SLC47A2: variants seen among roughly 807,000 people sequenced by gnomAD.
The protein encoded by SLC47A2 is multidrug and toxin extrusion protein 2.
In SLC47A2, 52 loss-of-function variants were observed where a neutral mutation model predicts 67.7. The ratio of observed to expected loss-of-function variants is 0.77; its 90% CI spans 0.61 to 0.97. SLC47A2 has a LOEUF of 0.97. Ranked by LOEUF, SLC47A2 falls within the 50% of genes least tolerant of loss-of-function variation. SLC47A2 has a pLI of 0.00. For missense variants in SLC47A2, 676 were observed against 712.3 expected (o/e 0.95, Z 0.58); for synonymous variants, 278 against 292.9 (o/e 0.95, Z 0.52).
Position 19,708,735 on chromosome 17 carries a change from G to T in SLC47A2, c.512C>A (p.Ala171Glu). ...LPVIFLYNLL[A>E]KYLQNQKITW... ...CTGTACCTGATTTTGCAAATATTTT[G>T]CCAGCAGATTGTAAAGAAAAATCAC... Residue 171 changes from alanine to glutamate, a missense_variant, in exon 6 of 17, where the codon GCA (alanine) becomes GAA (glutamate). By Grantham distance (107) the Ala-to-Glu change is moderately radical. Coordinates refer to ENST00000433844, the MANE Select transcript of SLC47A2 (RefSeq NM_001099646.3). 6.2e-7 allele frequency: 1 copy of T among 1,613,962 alleles called. No individual in the cohort carries two copies. Among genetic ancestry groups the T allele is most frequent in the Non-Finnish European group, 8.5e-7 (1 of 1,180,030 alleles).
intron 3 of SLC47A2, 47 bp downstream of exon 3, chr17:19,714,674 G>T (rs1408223084): frequency 6.2e-7 from 1 of 1,607,888 alleles, no homozygotes; most frequent in Admixed American, 1.7e-5. Context: ...TGTGGAATTG[G>T]CTCTGCCCTT....
At position 19,705,145 on chromosome 17, in the gene SLC47A2, AT is replaced by A. The variant is rs1392198579; in HGVS notation, c.909+290del. ...CCTGGAATGTGCATTTTTAAAGAAAATCCAAAAATAAGATTGTGATGTGAAA... is the reference window on the plus strand; with the variant it reads ...CCTGGAATGTGCATTTTTAAAGAAAACCAAAAATAAGATTGTGATGTGAAA... On this transcript the variant is annotated intron_variant, in intron 10 of 16. Transcript: ENST00000433844. 189 of 445,784 alleles carry A rather than the reference AT, an allele frequency of 4.2e-4. 1 individual carries two copies. In the East Asian group the frequency reaches 8.2e-3, roughly 19 times the overall value. The allele number at this position is 445,784 out of a possible 1,614,324, so 27.6% of individuals were successfully genotyped here. A position where few individuals can be genotyped will look rare whatever the true frequency, so the allele number is the denominator to read the frequency against.
Position 19,716,528 on chromosome 17 carries a change from G to C in SLC47A2, c.28C>G (p.Leu10Val), listed in dbSNP as rs1257329306. The change falls in exon 1 of 17, where the codon CTG becomes GTG. Residue 10 changes from leucine to valine, a missense_variant. Physicochemically the swap from Leu to Val is conservative, Grantham distance 32. Coordinates refer to ENST00000433844, the MANE Select transcript of SLC47A2 (RefSeq NM_001099646.3). MDSLQDTVA[L>V]DHGGCCPALS... is the part of the protein sequence containing the mutation. Reference sequence around the variant, plus strand: ...GCAGGGCAGCAGCCCCCATGGTCCAGGGCCACTGTGTCCTGGAGGCTGTCC... The same window carrying C: ...GCAGGGCAGCAGCCCCCATGGTCCACGGCCACTGTGTCCTGGAGGCTGTCC... 2 of 1,610,960 alleles carry C rather than the reference G, an allele frequency of 1.2e-6. No individual in the cohort carries two copies. The highest frequency in any genetic ancestry group is 3.3e-5 in the Admixed American group (2 of 59,724).
At chr17:19,702,930 G>T (rs774299709) in intron 12 of SLC47A2, among the ~76,000 whole-genome samples, 162 bp downstream of exon 12, 1 of 152,164 alleles carries the variant, frequency 6.6e-6, no homozygotes, top group Admixed American at 6.5e-5. Context: ...AAAGGCCTGG[G>T]GTGGATAGAC....
At chr17:19,688,505 G>T (rs148979002) in intron 13 of SLC47A2, among the ~76,000 whole-genome samples, 1 of 152,306 alleles carries the variant, frequency 6.6e-6, no homozygotes, top group Non-Finnish European at 1.5e-5. Flanking sequence ...GGAAGTCCTA[G>T]CTAGAGCAGA....
chr17:19,715,686 T>G (rs1203763085), intron 1 of SLC47A2: 1 of 148,168 alleles, frequency 6.7e-6, no homozygotes, highest in African/African-American at 2.5e-5. Context: ...CCATTACTCC[T>G]TTTTGGTTTT....
At chr17:19,704,572 T>A (rs928363522) in intron 10 of SLC47A2, 127 of 1,349,626 alleles carry the variant, frequency 9.4e-5, no homozygotes, top group Non-Finnish European at 1.2e-4. Context: ...AAAATAAGAA[T>A]CTCTAAATTG....
At chr17:19,687,269 C>T (rs552099079) in intron 13 of SLC47A2, among the ~76,000 whole-genome samples, 8 of 151,990 alleles carry the variant, frequency 5.3e-5, no homozygotes, top group African/African-American at 9.7e-5. Context: ...CATATCAAAA[C>T]GTATGTCATA....
chr17:19,703,015 A>G, intron 12 of SLC47A2, 77 bp downstream of exon 12: 2 of 1,466,636 alleles, frequency 1.4e-6, no homozygotes, highest in Non-Finnish European at 9.5e-7. Context: ...CTGAGCCAGG[A>G]ATGTGATAAA....
chr17:19,707,671 G>A, intron 8 of SLC47A2, 75 bp downstream of exon 8: 2 of 1,341,896 alleles, frequency 1.5e-6, no homozygotes, highest in South Asian at 2.5e-5. Flanking sequence ...TCTGCCTGCT[G>A]ACCACCCTGC....
chr17:19,712,510 C>G (rs1001975391), intron 5 of SLC47A2, among the ~76,000 whole-genome samples, 193 bp downstream of exon 5: 5 of 152,162 alleles, frequency 3.3e-5, no homozygotes, highest in African/African-American at 1.2e-4. Context: ...ATTTTCAAAT[C>G]AGAAAAACAT....
Position 19,703,129 on chromosome 17 carries a change from G to A in SLC47A2, c.1057C>T (p.Leu353=), listed in dbSNP as rs1032664233. Residue 353 remains leucine (L), a synonymous_variant, in exon 12 of 17, where the codon CTG becomes TTG. Coordinates refer to ENST00000433844, the MANE Select transcript of SLC47A2 (RefSeq NM_001099646.3). ...SLVLGTLISI[L]KNQLGHIFTN... Reference sequence around the variant, plus strand: ...AAAATATGCCCCAGCTGATTTTTCAGGATGCTTATCAGGGTGCCCAGGACC... The same window carrying A: ...AAAATATGCCCCAGCTGATTTTTCAAGATGCTTATCAGGGTGCCCAGGACC... The A allele has an allele frequency of 1.1e-5, 18 of 1,614,006 alleles. No homozygotes were observed. Among genetic ancestry groups the A allele is most frequent in the Non-Finnish European group, 1.4e-5 (17 of 1,180,030 alleles).
intron 13 of SLC47A2, among the ~76,000 whole-genome samples, chr17:19,701,185 A>C (rs1378823853): frequency 6.6e-6 from 1 of 151,472 alleles, no homozygotes; most frequent in Non-Finnish European, 1.5e-5. Context: ...AAAAAAAAAA[A>C]AAATAGTATC....
chr17:19,685,665 G>C lies in SLC47A2; in HGVS notation c.1165-3995C>G, dbSNP rs1025392507. On this transcript the variant is annotated intron_variant, in intron 13 of 16. Transcript: ENST00000433844. This position sits in a 1 kb window ranked among gnomAD's most constrained non-coding sequence, Gnocchi z 4.5. ...AGTACCCAGGGACACAAACAGGGCCGAAGGCCGCAGGGACCTCTGCCTAGG... is the reference window on the plus strand; with the variant it reads ...AGTACCCAGGGACACAAACAGGGCCCAAGGCCGCAGGGACCTCTGCCTAGG... Among the ~76,000 whole-genome samples, 1 of 152,202 alleles carries C rather than the reference G, an allele frequency of 6.6e-6. No individual in the cohort carries two copies. Among genetic ancestry groups the C allele is most frequent in the Non-Finnish European group, 1.5e-5 (1 of 68,036 alleles).
intron 13 of SLC47A2, among the ~76,000 whole-genome samples, chr17:19,691,617 A>G (rs997399099): frequency 2.0e-5 from 3 of 152,244 alleles, no homozygotes; most frequent in African/African-American, 7.2e-5. Context: ...ATAGTGGGAG[A>G]GGGAATGGGG....
intron 9 of SLC47A2, among the ~76,000 whole-genome samples, chr17:19,706,284 G>A (rs2085933371): frequency 6.6e-6 from 1 of 152,182 alleles, no homozygotes; most frequent in Non-Finnish European, 1.5e-5. Flanking sequence ...GGCAAGCCTG[G>A]ACCTCTGCTC....
rs764160435 is a variant in SLC47A2, at chr17:19,678,875, C to T, written c.1512G>A (p.Leu504=). 2 of 1,592,172 alleles carry T rather than the reference C, an allele frequency of 1.3e-6. No individual in the cohort carries two copies. The change falls in exon 17 of 17, where the codon TTG becomes TTA. Residue 504 remains leucine, a synonymous_variant. Transcript: ENST00000433844. ...VATGSSPGIT[L]TTYSRSECHV... is the part of the protein sequence containing the mutation. Reference sequence around the variant, plus strand: ...GGCACTCAGACCTTGAATACGTTGTCAAGGTAATGCCAGGGGAACTGCCTG... The same window carrying T: ...GGCACTCAGACCTTGAATACGTTGTTAAGGTAATGCCAGGGGAACTGCCTG...
At chr17:19,709,002 A>G (rs1006685935) in intron 5 of SLC47A2, among the ~76,000 whole-genome samples, 1 of 152,254 alleles carries the variant, frequency 6.6e-6, no homozygotes, top group Non-Finnish European at 1.5e-5. Context: ...ATGAGCAGGC[A>G]TGCTTTGGCT....
chr17:19,705,763 A>T (rs2085917853), intron 9 of SLC47A2, among the ~76,000 whole-genome samples: 1 of 152,002 alleles, frequency 6.6e-6, no homozygotes, highest in South Asian at 2.1e-4. Flanking sequence ...ACACCCAGCT[A>T]ATTTTTGTAT....
Sources: gnomAD v4.1 joint callset for allele counts (sites outside exome capture counted in the v4.1 genomes callset) on GRCh38, gnomAD v4.1.1 for gene constraint, Gnocchi (gnomAD v3.1) non-coding constraint, MANE v1.5 for transcripts, NCBI Gene and HGNC (gene_info 2026-07-23, HGNC 2026-07-21) for gene names.